LRMDA: variants seen among roughly 807,000 people sequenced by gnomAD.
LRMDA encodes leucine-rich melanocyte differentiation-associated protein.
Under a neutral mutation model 29.8 loss-of-function variants are expected in LRMDA, and 18 were observed. The ratio of observed to expected loss-of-function variants is 0.60; its 90% CI spans 0.42 to 0.90. The LOEUF (loss-of-function observed/expected upper bound fraction) is 0.90. LRMDA is among the 40% of genes least tolerant of loss of function. The pLI, the probability that LRMDA is intolerant of heterozygous loss-of-function variation, is 0.00. For missense variants in LRMDA, 273 were observed against 273.9 expected (o/e 1.00, Z 0.02); for synonymous variants, 125 against 109.4 (o/e 1.14, Z -0.89).
At chr10:75,514,290 TC>T (rs1467405738) in intron 2 of LRMDA, among the ~76,000 whole-genome samples, 2 of 150,604 alleles carry the variant, frequency 1.3e-5, no homozygotes, top group Admixed American at 1.3e-4. Context: ...TCCTTCCTCC[TC>T]CCTCCTTTTT....
chr10:76,176,774 C>T (rs1027567836), intron 5 of LRMDA, among the ~76,000 whole-genome samples: 1 of 152,228 alleles, frequency 6.6e-6, no homozygotes. Flanking sequence ...GCCTGGGCAA[C>T]AGAGCGAGAC....
chr10:75,664,519 A>T (rs1264921638), intron 2 of LRMDA, among the ~76,000 whole-genome samples: 1 of 152,172 alleles, frequency 6.6e-6, no homozygotes, highest in Admixed American at 6.5e-5. Flanking sequence ...GTGTTCTATG[A>T]TGGAGGAAGA....
intron 5 of LRMDA, among the ~76,000 whole-genome samples, chr10:76,211,897 C>T (rs921279392): frequency 6.6e-6 from 1 of 152,152 alleles, no homozygotes; most frequent in Non-Finnish European, 1.5e-5. Flanking sequence ...CTGAGATTCT[C>T]CCTGGTGCAC....
At chr10:76,024,661 G>A (rs11001591) in intron 2 of LRMDA, among the ~76,000 whole-genome samples, 16,100 of 152,228 alleles carry the variant, frequency 0.11, 1,463 homozygotes, top group East Asian at 0.24. Flanking sequence ...GGCCCTGCCC[G>A]TGGGGAGCTG....
intron 2 of LRMDA, among the ~76,000 whole-genome samples, chr10:75,925,206 T>G (rs1404841935): frequency 6.6e-6 from 1 of 152,190 alleles, no homozygotes; most frequent in Admixed American, 6.5e-5. Flanking sequence ...GATTTTTTTT[T>G]GTAAATTTTT....
intron 6 of LRMDA, among the ~76,000 whole-genome samples, chr10:76,488,433 G>T (rs1907329): frequency 3.3e-5 from 5 of 151,086 alleles, no homozygotes; most frequent in Admixed American, 2.6e-4. Context: ...AATATGTACT[G>T]TTTTTTCTGG....
intron 2 of LRMDA, among the ~76,000 whole-genome samples, chr10:75,982,355 TGATATGGTTGA>T (rs1166922228): frequency 6.6e-6 from 1 of 152,116 alleles, no homozygotes; most frequent in Non-Finnish European, 1.5e-5. Context: ...GCCTAGTGGG[TGATATGGTTGA>T]CCATCCTTGG....
At chr10:76,424,854 A>G (rs1449562603) in intron 6 of LRMDA, among the ~76,000 whole-genome samples, 1 of 152,210 alleles carries the variant, frequency 6.6e-6, no homozygotes, top group Non-Finnish European at 1.5e-5. Flanking sequence ...TCCAACCTGT[A>G]CAGAGAGATT....
At chr10:76,297,710 A>C (rs1840428706) in intron 5 of LRMDA, among the ~76,000 whole-genome samples, 1 of 152,166 alleles carries the variant, frequency 6.6e-6, no homozygotes, top group South Asian at 2.1e-4. Context: ...GTGACTTCTG[A>C]AAGTTATAAC....
intron 2 of LRMDA, among the ~76,000 whole-genome samples, chr10:75,646,291 A>G (rs527664088): frequency 5.8e-4 from 88 of 152,268 alleles, no homozygotes; most frequent in Admixed American, 2.8e-3. Context: ...GACATGATGA[A>G]CTGCCGTCTG....
chr10:76,518,651 A>T (rs1287542017), intron 6 of LRMDA, among the ~76,000 whole-genome samples: 6 of 152,168 alleles, frequency 3.9e-5, no homozygotes, highest in African/African-American at 1.4e-4. Context: ...TATGAAAAAA[A>T]CTGTCTTAGA....
intron 2 of LRMDA, among the ~76,000 whole-genome samples, chr10:75,718,068 G>T (rs1332363092): frequency 6.6e-6 from 1 of 152,110 alleles, no homozygotes; most frequent in Non-Finnish European, 1.5e-5. Context: ...CTGTATAAAT[G>T]GATACTGATT....
intron 6 of LRMDA, among the ~76,000 whole-genome samples, chr10:76,329,817 A>T (rs1175893794): frequency 1.3e-5 from 2 of 152,216 alleles, no homozygotes; most frequent in Non-Finnish European, 2.9e-5. Context: ...TCCAAAAAAG[A>T]AGAAAAAGAC....
chr10:75,509,757 TC>T (rs1845207294), intron 2 of LRMDA, among the ~76,000 whole-genome samples: 1 of 152,232 alleles, frequency 6.6e-6, no homozygotes. Flanking sequence ...TTTTCTGGCC[TC>T]AGTTTCTCTA....
chr10:76,420,297 A>G (rs374867014), intron 6 of LRMDA, among the ~76,000 whole-genome samples: 10 of 151,898 alleles, frequency 6.6e-5, no homozygotes, highest in East Asian at 5.8e-4. Context: ...AAAGATTTTT[A>G]AAAATTGATT....
At chr10:76,153,993 T>C (rs1325397732) in intron 5 of LRMDA, among the ~76,000 whole-genome samples, 2 of 152,246 alleles carry the variant, frequency 1.3e-5, no homozygotes, top group South Asian at 2.1e-4. Context: ...GATTGATTAA[T>C]GATATCTGAA....
At chr10:75,510,273 A>G (rs1011939709) in intron 2 of LRMDA, among the ~76,000 whole-genome samples, 1 of 152,178 alleles carries the variant, frequency 6.6e-6, no homozygotes, top group Non-Finnish European at 1.5e-5. Context: ...TTTAAGCCCA[A>G]ATGTAAGGAA....
At chr10:75,826,368 G>C (rs1411511481) in intron 2 of LRMDA, among the ~76,000 whole-genome samples, 1 of 152,098 alleles carries the variant, frequency 6.6e-6, no homozygotes, top group Non-Finnish European at 1.5e-5. Context: ...CTTTCTGCTT[G>C]TGTGTGCACA....
At chr10:76,339,990 G>A (rs1015925676) in intron 6 of LRMDA, among the ~76,000 whole-genome samples, 3 of 152,072 alleles carry the variant, frequency 2.0e-5, no homozygotes, top group African/African-American at 7.2e-5. Context: ...GAGAAAACAT[G>A]AAAATGAAAC....
Sources: allele counts gnomAD v4.1 joint callset (sites outside exome capture counted in the v4.1 genomes callset), GRCh38; gene constraint gnomAD v4.1.1; transcripts MANE v1.5; gene names NCBI Gene and HGNC (gene_info 2026-07-23, HGNC 2026-07-21).